The following EYA1 variants were observed in gnomAD, a reference collection of about 807,000 sequenced individuals.
EYA1 encodes EYA transcriptional coactivator and phosphatase 1.
Under a neutral mutation model 82.0 loss-of-function variants are expected in EYA1, and 16 were observed. The observed-to-expected ratio is 0.20, with a 90% CI of 0.13 to 0.30. The LOEUF (loss-of-function observed/expected upper bound fraction) is 0.30, where lower values mean the gene tolerates loss of function less well. Ranked by LOEUF, EYA1 falls within the 10% of genes least tolerant of loss-of-function variation. EYA1 has a pLI of 1.00. For synonymous variants in EYA1, 261 were observed against 264.4 expected (o/e 0.99, Z 0.12); for missense variants, 633 against 730.7 (o/e 0.87, Z 1.54).
At chr8:71,244,807 G>C (rs923550313) in intron 11 of EYA1, 115 bp from the exon 12 acceptor site, 11 of 672,708 alleles carry the variant, frequency 1.6e-5, no homozygotes, top group Non-Finnish European at 3.0e-5. Context: ...GACACAGAGA[G>C]AGACTTGGGC....
In EYA1 at chr8:71,215,503, T is replaced by C; in HGVS notation, c.1481A>G (p.Asn494Ser). The C allele has an allele frequency of 6.2e-7, 1 of 1,613,894 alleles. No individual in the cohort carries two copies. Among genetic ancestry groups the C allele is most frequent in the Non-Finnish European group, 8.5e-7 (1 of 1,179,810 alleles). Reference protein sequence around the residue: ...KALSLIHSRTNCVNILVTTTQ... With the variant: ...KALSLIHSRTSCVNILVTTTQ... ...AGTTGTTACTAAAATATTCACACAG[T>C]TTGTCCTATGAGAACAAAAAGAAAA... The change falls in exon 16 of 18, where the codon AAC (asparagine) becomes AGC (serine). Residue 494 changes from asparagine (N) to serine (S), a missense_variant. Physicochemically the swap from Asn to Ser is conservative, Grantham distance 46. Transcript: ENST00000340726.
intron 2 of EYA1, among the ~76,000 whole-genome samples, chr8:71,427,996 A>G (rs1805359243): frequency 6.6e-6 from 1 of 151,036 alleles, no homozygotes; most frequent in Non-Finnish European, 1.5e-5. Context: ...AAAAAAAGAG[A>G]TGAATCAGTA....
rs1809675250 is a variant in EYA1, at chr8:71,219,845, T to G, written c.1141-2822A>C. 2.0e-5 allele frequency among the ~76,000 whole-genome samples: 3 copies of G among 152,194 alleles called. No individual in the cohort carries two copies. The South Asian group carries it at 6.2e-4, about 31-fold the overall frequency. Reference sequence around the variant, plus strand: ...CAGCCTCTTCTGTGGGGAGAAACTTTCCTTCTACCATTTCTCAGACACCAT... The same window carrying G: ...CAGCCTCTTCTGTGGGGAGAAACTTGCCTTCTACCATTTCTCAGACACCAT... On this transcript the variant is annotated intron_variant, in intron 12 of 17. Transcript: ENST00000340726.
chr8:71,246,796 G>C (rs962657488), intron 11 of EYA1, among the ~76,000 whole-genome samples: 1 of 152,168 alleles, frequency 6.6e-6, no homozygotes, highest in Non-Finnish European at 1.5e-5. Flanking sequence ...GAAAGGGTGG[G>C]AGATGGGAGC....
intron 2 of EYA1, among the ~76,000 whole-genome samples, chr8:71,465,853 T>C (rs1808733862): frequency 6.6e-6 from 1 of 151,812 alleles, no homozygotes; most frequent in Non-Finnish European, 1.5e-5. Flanking sequence ...ATTCACAAAG[T>C]TAAAAATAAC....
At chr8:71,401,121 A>C (rs1327864871) in intron 2 of EYA1, among the ~76,000 whole-genome samples, 1 of 152,104 alleles carries the variant, frequency 6.6e-6, no homozygotes, top group Non-Finnish European at 1.5e-5. Context: ...GAACGAACAC[A>C]CTGGGGCTTC....
chr8:71,427,826 C>A (rs1342617295), intron 2 of EYA1, among the ~76,000 whole-genome samples: 1 of 151,894 alleles, frequency 6.6e-6, no homozygotes, highest in African/African-American at 2.4e-5. Flanking sequence ...TCAAGACTAT[C>A]TTGGGCAATA....
At chr8:71,471,009 A>C (rs1308364416) in intron 2 of EYA1, 2 of 417,534 alleles carry the variant, frequency 4.8e-6, no homozygotes, top group Admixed American at 6.4e-5. Flanking sequence ...ATCTTTAAAA[A>C]ATTTATTGCT....
chr8:71,393,389 G>A (rs1829391074), intron 2 of EYA1, among the ~76,000 whole-genome samples: 1 of 152,018 alleles, frequency 6.6e-6, no homozygotes, highest in Non-Finnish European at 1.5e-5. Flanking sequence ...TTGGTGTGCT[G>A]CACCCGTTAA....
At chr8:71,511,430 C>T (rs1040136691) in intron 2 of EYA1, among the ~76,000 whole-genome samples, 2 of 152,098 alleles carry the variant, frequency 1.3e-5, no homozygotes, top group East Asian at 3.9e-4. Flanking sequence ...AACTGGCAAA[C>T]TTTTGGGGCT....
rs185361637 is a variant in EYA1, at chr8:71,411,639, C to G, written c.34-55128G>C. Among the ~76,000 whole-genome samples the G allele has an allele frequency of 3.0e-4, 45 of 151,736 alleles. 2 individuals carry two copies. The Middle Eastern group carries it at 0.017, about 57-fold the overall frequency. ...AAATACATGAAAAAATGCTCATCAT[C>G]ACTGGCCATCAGAGAAATGCAAATC... is the stretch of plus-strand genomic sequence containing the variant. On this transcript the variant is annotated intron_variant, in intron 2 of 18. Transcript: ENST00000643681.
At chr8:71,489,027 T>C (rs903609744) in intron 2 of EYA1, among the ~76,000 whole-genome samples, 4 of 152,234 alleles carry the variant, frequency 2.6e-5, no homozygotes, top group African/African-American at 9.6e-5. Flanking sequence ...CTACCATCTC[T>C]TCCTGATGGA....
intron 2 of EYA1, among the ~76,000 whole-genome samples, chr8:71,484,594 G>A (rs1032459287): frequency 1.3e-5 from 2 of 152,168 alleles, no homozygotes; most frequent in African/African-American, 4.8e-5. Flanking sequence ...CACACAAGAA[G>A]GATACACTGA....
intron 2 of EYA1, among the ~76,000 whole-genome samples, chr8:71,474,763 T>C (rs150052770): frequency 2.8e-4 from 42 of 152,318 alleles, no homozygotes; most frequent in African/African-American, 1.0e-3. Context: ...CAAATGTACA[T>C]GTTTAGCAAC....
intron 9 of EYA1, among the ~76,000 whole-genome samples, chr8:71,274,228 G>T (rs566700081): frequency 6.6e-6 from 1 of 151,988 alleles, no homozygotes; most frequent in Non-Finnish European, 1.5e-5. Flanking sequence ...ACCCACACCC[G>T]TACCTTGCAG....
At chr8:71,266,758 C>T (rs1329512561) in intron 11 of EYA1, among the ~76,000 whole-genome samples, 3 of 152,200 alleles carry the variant, frequency 2.0e-5, no homozygotes, top group African/African-American at 7.2e-5. Flanking sequence ...GGTTTCCTTG[C>T]CTGGTCCAAG....
rs1426866960 is a variant in EYA1, at chr8:71,540,701, A to G, written c.-72-4853T>C. ...TTTGGATGCCATATTTTTCATCTCT[A>G]ATGAACCAGAGACCCATCAGATACT... On this transcript the variant is annotated intron_variant, in intron 1 of 18. Transcript: ENST00000643681. Among the ~76,000 whole-genome samples the G allele has an allele frequency of 2.0e-5, 3 of 152,132 alleles. No homozygotes were observed. In the East Asian group the frequency reaches 5.8e-4, roughly 29 times the overall value.
intron 2 of EYA1, among the ~76,000 whole-genome samples, chr8:71,412,725 T>A (rs901306144): frequency 1.3e-5 from 2 of 152,218 alleles, no homozygotes; most frequent in African/African-American, 4.8e-5. Context: ...TTCCACATCC[T>A]ACTTAAACTG....
At chr8:71,408,025 C>T (rs889169820) in intron 2 of EYA1, among the ~76,000 whole-genome samples, 13 of 151,686 alleles carry the variant, frequency 8.6e-5, no homozygotes, top group East Asian at 5.8e-4. Context: ...GCGGATCTCT[C>T]GGCAGAAACC....
Sources: allele counts gnomAD v4.1 joint callset (sites outside exome capture counted in the v4.1 genomes callset), GRCh38; gene constraint gnomAD v4.1.1; transcripts MANE v1.5; gene names NCBI Gene and HGNC (gene_info 2026-07-23, HGNC 2026-07-21).